The following CMC2 variants were observed in gnomAD, a reference collection of about 807,000 sequenced individuals.
CMC2 encodes C-X9-C motif containing 2, also known as COX assembly mitochondrial protein 2 homolog.
A neutral mutation model predicts 7.5 loss-of-function variants in CMC2; 5 were observed. That is an observed-to-expected ratio of 0.66 (90% confidence interval 0.35 to 1.40). The LOEUF (loss-of-function observed/expected upper bound fraction) is 1.40. Ranked by LOEUF, CMC2 falls within the 40% of genes most tolerant of loss-of-function variation. CMC2 has a pLI of 0.04. For missense variants in CMC2, 115 were observed against 92.3 expected (o/e 1.25, Z -1.01); for synonymous variants, 37 against 31.4 (o/e 1.18, Z -0.60).
chr16:81,001,841 AACACACACAC>A (rs72159358), intron 1 of CMC2, among the ~76,000 whole-genome samples: 78 of 150,176 alleles, frequency 5.2e-4, no homozygotes, highest in African/African-American at 1.8e-3. Context: ...GTAACTACTA[AACACACACAC>A]ACACACACAC....
intron 1 of CMC2, chr16:80,997,646 G>C (rs748612995): frequency 1.3e-5 from 4 of 304,740 alleles, no homozygotes; most frequent in African/African-American, 8.7e-5. Flanking sequence ...AGAACCTACA[G>C]GTTCAGGAGA....
At chr16:80,984,171 G>C (rs904523887) in intron 2 of CMC2, 9 of 152,132 alleles carry the variant, frequency 5.9e-5, no homozygotes, top group Admixed American at 2.0e-4. Flanking sequence ...CTCTAAAGCA[G>C]GTTAAGCTGA....
At chr16:81,003,080 T>G (rs934864366) in intron 1 of CMC2, among the ~76,000 whole-genome samples, 2 of 152,220 alleles carry the variant, frequency 1.3e-5, no homozygotes, top group Non-Finnish European at 2.9e-5. Context: ...CCATCCACTT[T>G]GTGTCACTTG....
chr16:80,985,383 T>G (rs1457434192), intron 2 of CMC2, among the ~76,000 whole-genome samples: 3 of 152,250 alleles, frequency 2.0e-5, no homozygotes, highest in Admixed American at 6.5e-5. Flanking sequence ...AGGTATATTT[T>G]ATTAATTCAG....
rs889844686 is a variant in CMC2, at chr16:80,971,659, G to T, written c.*4434C>A. 1 of 148,508 alleles carries T rather than the reference G, an allele frequency of 6.7e-6. No homozygotes were observed. The highest frequency in any genetic ancestry group is 1.5e-5 in the Non-Finnish European group (1 of 67,590). The allele number at this position is 148,508 out of a possible 1,614,324, so 9.2% of individuals were successfully genotyped here. A position where few individuals can be genotyped will look rare whatever the true frequency, so the allele number is the denominator to read the frequency against. ...GAAATATATCAAAGTCAGGGTAGTA[G>T]TTACCACCAATAAAGAAATAAGTGG... is the stretch of plus-strand genomic sequence containing the variant. On this transcript the variant is annotated 3_prime_UTR_variant, in exon 4 of 4. Coordinates refer to ENST00000219400, the MANE Select transcript of CMC2 (RefSeq NM_020188.5).
chr16:80,991,933 T>A, intron 2 of CMC2: 1 of 455,376 alleles, frequency 2.2e-6, no homozygotes, highest in Non-Finnish European at 4.4e-6. Flanking sequence ...AAGAACTAAG[T>A]GTAATGTGTA....
intron 3 of CMC2, among the ~76,000 whole-genome samples, chr16:80,979,129 C>T (rs1298505420): frequency 6.6e-6 from 1 of 151,858 alleles, no homozygotes; most frequent in Non-Finnish European, 1.5e-5. Context: ...AATCAGATGA[C>T]ATATGAAGCA....
At chr16:80,987,728 T>C (rs1489452612) in intron 2 of CMC2, among the ~76,000 whole-genome samples, 2 of 152,154 alleles carry the variant, frequency 1.3e-5, no homozygotes, top group Non-Finnish European at 2.9e-5. Context: ...AAAACACTCA[T>C]GCACTTCAAG....
At chr16:80,989,605 C>T (rs2549838) in intron 2 of CMC2, among the ~76,000 whole-genome samples, 98,821 of 151,732 alleles carry the variant, frequency 0.65, 33,926 homozygotes, top group South Asian at 0.8. Flanking sequence ...TACGGAAGAG[C>T]GGTATTTAAA....
Position 80,973,188 on chromosome 16 carries a change from G to A in CMC2, c.*2905C>T, listed in dbSNP as rs1054744809. The A allele has an allele frequency of 2.0e-5, 3 of 152,260 alleles. No homozygotes were observed. Among genetic ancestry groups the A allele is most frequent in the African/African-American group, 7.2e-5 (3 of 41,454 alleles). 9.4% of individuals were successfully genotyped at this position (152,260 alleles called of 1,614,324 possible). Reference sequence around the variant, plus strand: ...CCTCTATGGAAAGGCAGGATGTACAGGGAGCCAGAGAATGGGGCCGGCTTG... The same window carrying A: ...CCTCTATGGAAAGGCAGGATGTACAAGGAGCCAGAGAATGGGGCCGGCTTG... On this transcript the variant is annotated 3_prime_UTR_variant, in exon 4 of 4. Transcript: ENST00000219400.
At position 80,976,002 on chromosome 16, in the gene CMC2, T is replaced by C. The variant is rs2303214; in HGVS notation, c.*91A>G. 0.012 allele frequency: 8,920 copies of C among 743,354 alleles called. 158 individuals are homozygous for C. Among genetic ancestry groups the C allele is most frequent in the East Asian group, 0.064 (2,400 of 37,562 alleles). 46.0% of individuals were successfully genotyped at this position (743,354 alleles called of 1,614,324 possible). ...CACAGGTCACTTTCCATTCAAAGGA[T>C]TATGGAGACCAAATAAGACAGGATT... is the stretch of plus-strand genomic sequence containing the variant. On this transcript the variant is annotated 3_prime_UTR_variant, in exon 4 of 4. Transcript: ENST00000219400.
intron 1 of CMC2, among the ~76,000 whole-genome samples, chr16:81,004,321 T>A (rs1366143524): frequency 6.6e-6 from 1 of 152,200 alleles, no homozygotes; most frequent in African/African-American, 2.4e-5. Context: ...TAGAGAGGGA[T>A]AAATTCCATT....
At chr16:80,977,235 T>C (rs938078196) in intron 3 of CMC2, among the ~76,000 whole-genome samples, 1 of 152,200 alleles carries the variant, frequency 6.6e-6, no homozygotes, top group Non-Finnish European at 1.5e-5. Context: ...CTCAAGAGGT[T>C]TTCAGCCTAG....
intron 2 of CMC2, among the ~76,000 whole-genome samples, chr16:80,987,317 C>T (rs988654652): frequency 6.6e-6 from 1 of 152,058 alleles, no homozygotes; most frequent in Non-Finnish European, 1.5e-5. Flanking sequence ...AGGGAAAATA[C>T]AAAAATTTTT....
At position 80,967,729 on chromosome 16, in the gene CMC2, C is replaced by G. The variant is rs965326890; in HGVS notation, c.*8364G>C. ...TTAGGAAATATGGATGCTCTGTAAG[C>G]AAATACTCCAGTGAAAAATAGCCAG... On this transcript the variant is annotated 3_prime_UTR_variant, in exon 4 of 4. Coordinates refer to ENST00000219400, the MANE Select transcript of CMC2 (RefSeq NM_020188.5). 12 of 152,182 alleles carry G rather than the reference C, an allele frequency of 7.9e-5. No homozygotes were observed. Among genetic ancestry groups the G allele is most frequent in the African/African-American group, 2.9e-4 (12 of 41,454 alleles). 9.4% of individuals were successfully genotyped at this position (152,182 alleles called of 1,614,324 possible).
intron 2 of CMC2, chr16:80,996,985 A>G: frequency 2.2e-6 from 1 of 462,836 alleles, no homozygotes; most frequent in Non-Finnish European, 4.2e-6. Flanking sequence ...CATTATAATC[A>G]GAAGTGTCAG....
chr16:81,004,875 T>C (rs755045157), intron 1 of CMC2, among the ~76,000 whole-genome samples: 2 of 152,222 alleles, frequency 1.3e-5, no homozygotes, highest in Non-Finnish European at 2.9e-5. Flanking sequence ...AACTCTAGTA[T>C]AAAGAAAACG....
In CMC2 at chr16:80,990,535, G is replaced by A. The variant is rs539802878; in HGVS notation, c.81+6779C>T. Among the ~76,000 whole-genome samples, 13 of 152,220 alleles carry A rather than the reference G, an allele frequency of 8.5e-5. No individual in the cohort carries two copies. The South Asian group carries it at 2.7e-3, about 32-fold the overall frequency. The stretch of plus-strand genomic sequence containing the variant: ...TTTGCTCCTACCAACCTCTCAGAAC[G>A]TAATCAATCTCATTAGCTTCTGGTT... On this transcript the variant is annotated intron_variant, in intron 2 of 3. Transcript: ENST00000219400.
rs1336268903 is a variant in CMC2 at position 80,967,769 on chromosome 16, ATGCAGAAT to A, written c.*8316_*8323del. 2 of 152,242 alleles carry A rather than the reference ATGCAGAAT, an allele frequency of 1.3e-5. No individual in the cohort carries two copies. The highest frequency in any genetic ancestry group is 2.4e-5 in the African/African-American group (1 of 41,470). 9.4% of individuals were successfully genotyped at this position (152,242 alleles called of 1,614,324 possible). On this transcript the variant is annotated 3_prime_UTR_variant, in exon 4 of 4. Coordinates refer to ENST00000219400, the MANE Select transcript of CMC2 (RefSeq NM_020188.5). ...AAAATAGCCAGGTCTAAATTTCTGT[ATGCAGAAT>A]TGCAGAATGCTTTACTTTCTTAGCC...
Sources: allele counts gnomAD v4.1 joint callset (sites outside exome capture counted in the v4.1 genomes callset), GRCh38; gene constraint gnomAD v4.1.1; transcripts MANE v1.5; gene names NCBI Gene and HGNC (gene_info 2026-07-23, HGNC 2026-07-21).